Variants in PRDM16 observed in about 807,000 individuals in gnomAD.
PRDM16 encodes histone-lysine N-methyltransferase PRDM16.
A neutral mutation model predicts 110.6 loss-of-function variants in PRDM16; 23 were observed. The ratio of observed to expected loss-of-function variants is 0.21; its 90% CI spans 0.15 to 0.29. The LOEUF (loss-of-function observed/expected upper bound fraction) is 0.29, where lower values mean the gene tolerates loss of function less well. Ranked by LOEUF, PRDM16 falls within the 10% of genes least tolerant of loss-of-function variation. The probability of loss-of-function intolerance (pLI) is 1.00; values close to 1 mark genes in which losing one functional copy is unlikely to be tolerated. For missense variants in PRDM16, 1,615 were observed against 1,794.3 expected (o/e 0.90, Z 1.81); for synonymous variants, 799 against 781.8 (o/e 1.02, Z -0.37).
chr1:3,130,768 T>C (rs1643317063), intron 1 of PRDM16, among the ~76,000 whole-genome samples: 1 of 151,050 alleles, frequency 6.6e-6, no homozygotes, highest in Non-Finnish European at 1.5e-5. Flanking sequence ...GCATGGCCTT[T>C]TCCTTGGTGC....
chr1:3,135,847 C>G (rs1643427075), intron 1 of PRDM16, among the ~76,000 whole-genome samples: 1 of 152,356 alleles, frequency 6.6e-6, no homozygotes, highest in African/African-American at 2.4e-5. Flanking sequence ...CCGGGTCTCC[C>G]TGCGCCCTCC....
chr1:3,078,294 C>T (rs914410326), intron 1 of PRDM16, among the ~76,000 whole-genome samples: 5 of 152,292 alleles, frequency 3.3e-5, no homozygotes, highest in African/African-American at 1.2e-4. Context: ...AGACAGGGTC[C>T]CCGAGCTCTG....
At chr1:3,184,428 G>C (rs757089893) in intron 1 of PRDM16, among the ~76,000 whole-genome samples, 28 of 152,172 alleles carry the variant, frequency 1.8e-4, no homozygotes, top group Non-Finnish European at 3.2e-4. Context: ...CAGCAGGACC[G>C]GGGTCCAGTC....
intron 2 of PRDM16, among the ~76,000 whole-genome samples, chr1:3,205,829 T>A (rs1342610801): frequency 1.3e-5 from 2 of 152,064 alleles, no homozygotes; most frequent in Non-Finnish European, 2.9e-5. Flanking sequence ...TCAAGTTGCA[T>A]CCCCTGCCTC....
chr1:3,219,097 G>T (rs1473328062), intron 2 of PRDM16, among the ~76,000 whole-genome samples: 1 of 152,228 alleles, frequency 6.6e-6, no homozygotes. Flanking sequence ...TTGTGGTGAG[G>T]GGCACCCCAG....
chr1:3,260,315 T>C (rs977927834), intron 3 of PRDM16, among the ~76,000 whole-genome samples: 2 of 152,082 alleles, frequency 1.3e-5, no homozygotes, highest in Non-Finnish European at 2.9e-5. Context: ...TCTGAGCTGC[T>C]TCCGAGCCCC....
chr1:3,230,221 C>T (rs374872705), intron 2 of PRDM16, among the ~76,000 whole-genome samples: 22 of 152,330 alleles, frequency 1.4e-4, no homozygotes, highest in African/African-American at 2.9e-4. Flanking sequence ...CTGACCTGCC[C>T]GACGGCTCTC....
chr1:3,428,313 G>A (rs58043752), intron 14 of PRDM16, among the ~76,000 whole-genome samples: 6,749 of 128,552 alleles, frequency 0.053, 441 homozygotes, highest in African/African-American at 0.13. Flanking sequence ...GGTGCAGCCC[G>A]GCCGCACTGC....
At chr1:3,093,977 G>C (rs975120926) in intron 1 of PRDM16, among the ~76,000 whole-genome samples, 6 of 152,252 alleles carry the variant, frequency 3.9e-5, no homozygotes, top group Admixed American at 3.9e-4. Context: ...GAGTGTGTGG[G>C]CTTCTGCGAT....
At chr1:3,276,332 C>T (rs989460090) in intron 3 of PRDM16, among the ~76,000 whole-genome samples, 1 of 152,222 alleles carries the variant, frequency 6.6e-6, no homozygotes, top group East Asian at 1.9e-4. Flanking sequence ...CCGCAGACTC[C>T]AGCAGCGACC....
intron 3 of PRDM16, among the ~76,000 whole-genome samples, chr1:3,366,989 C>T (rs768120697): frequency 8.5e-5 from 13 of 152,254 alleles, no homozygotes; most frequent in Admixed American, 2.6e-4. Context: ...GAGCAAGGGC[C>T]GGGCACAGTG....
intron 1 of PRDM16, among the ~76,000 whole-genome samples, chr1:3,093,371 G>A (rs1642320158): frequency 6.6e-6 from 1 of 152,226 alleles, no homozygotes; most frequent in Admixed American, 6.5e-5. Context: ...CAGCCAGGGT[G>A]CAACATGGTC....
At chr1:3,274,829 G>A (rs1329221593) in intron 3 of PRDM16, among the ~76,000 whole-genome samples, 1 of 151,910 alleles carries the variant, frequency 6.6e-6, no homozygotes, top group South Asian at 2.1e-4. Context: ...CAGTGGTGTC[G>A]AGGGCATGGA....
At chr1:3,274,425 C>G (rs537563972) in intron 3 of PRDM16, among the ~76,000 whole-genome samples, 1 of 152,196 alleles carries the variant, frequency 6.6e-6, no homozygotes, top group Admixed American at 6.5e-5. Flanking sequence ...TGAATTAAAC[C>G]CTGAAGGTTT....
At chr1:3,106,066 C>G (rs937164208) in intron 1 of PRDM16, among the ~76,000 whole-genome samples, 1 of 152,144 alleles carries the variant, frequency 6.6e-6, no homozygotes, top group East Asian at 1.9e-4. Context: ...GAGAAGGGGG[C>G]AGGCTGGGGC....
chr1:3,146,640 G>A (rs1455266809), intron 1 of PRDM16, among the ~76,000 whole-genome samples: 1 of 146,576 alleles, frequency 6.8e-6, no homozygotes, highest in Non-Finnish European at 1.5e-5. Flanking sequence ...TGCTTGGTAT[G>A]GGGTGTGTGT....
intron 2 of PRDM16, among the ~76,000 whole-genome samples, chr1:3,239,626 G>A (rs1639615253): frequency 6.6e-6 from 1 of 152,304 alleles, no homozygotes; most frequent in East Asian, 1.9e-4. Flanking sequence ...TGGGTCCAAC[G>A]AAGCTACTTC....
intron 3 of PRDM16, among the ~76,000 whole-genome samples, chr1:3,266,003 G>C (rs1445578748): frequency 1.3e-5 from 2 of 152,206 alleles, no homozygotes; most frequent in Non-Finnish European, 2.9e-5. Flanking sequence ...GACGCCACCT[G>C]GCCCCTCTTT....
chr1:3,215,403 G>T (rs951106191), intron 2 of PRDM16, among the ~76,000 whole-genome samples: 2 of 151,680 alleles, frequency 1.3e-5, no homozygotes, highest in African/African-American at 2.4e-5. Flanking sequence ...AGGGTCATGG[G>T]TCCCGGGGAC....
Sources: gnomAD v4.1 joint callset for allele counts (sites outside exome capture counted in the v4.1 genomes callset) on GRCh38, gnomAD v4.1.1 for gene constraint, MANE v1.5 for transcripts, NCBI Gene and HGNC (gene_info 2026-07-23, HGNC 2026-07-21) for gene names.